UBE2E2: variants seen among roughly 807,000 people sequenced by gnomAD.
UBE2E2 encodes ubiquitin conjugating enzyme E2 E2.
Under a neutral mutation model 24.7 loss-of-function variants are expected in UBE2E2, and 6 were observed. That is an observed-to-expected ratio of 0.24 (90% CI 0.13 to 0.48). UBE2E2 has a LOEUF of 0.48. Among genes scored for constraint, UBE2E2 ranks in the 20% least tolerant of loss-of-function variants. UBE2E2 has a pLI of 0.99. For missense variants in UBE2E2, 169 were observed against 245.0 expected, an observed-to-expected ratio of 0.69 and a Z score of 2.07; for synonymous variants, 104 against 83.6, an observed-to-expected ratio of 1.24 and a Z score of -1.33.
At position 23,254,350 on chromosome 3, in the gene UBE2E2, A is replaced by G. The variant is rs528985399; in HGVS notation, c.227+37038A>G. 2.0e-5 allele frequency among the ~76,000 whole-genome samples: 3 copies of G among 152,342 alleles called. No homozygotes were observed. The South Asian group carries it at 6.2e-4, about 32-fold the overall frequency. On this transcript the variant is annotated intron_variant, in intron 3 of 5. Transcript: ENST00000396703. ...AATTTTGACCAAGGGATGCTGGGTTAATCCTGGGTTTAGGGAACATCTGGT... is the reference window on the plus strand; with the variant it reads ...AATTTTGACCAAGGGATGCTGGGTTGATCCTGGGTTTAGGGAACATCTGGT...
chr3:23,571,020 T>G (rs548079618), intron 5 of UBE2E2, among the ~76,000 whole-genome samples: 1 of 152,060 alleles, frequency 6.6e-6, no homozygotes, highest in Non-Finnish European at 1.5e-5. Flanking sequence ...AATGGATAAT[T>G]GGGACAAGAT....
At chr3:23,566,041 A>G (rs184973631) in intron 5 of UBE2E2, among the ~76,000 whole-genome samples, 1 of 152,302 alleles carries the variant, frequency 6.6e-6, no homozygotes, top group East Asian at 1.9e-4. Flanking sequence ...ATAAGCCAAC[A>G]CCTCACACTT....
At chr3:23,251,257 C>A (rs1373256298) in intron 3 of UBE2E2, among the ~76,000 whole-genome samples, 1 of 152,142 alleles carries the variant, frequency 6.6e-6, no homozygotes, top group Non-Finnish European at 1.5e-5. Flanking sequence ...TCTGGGGGAG[C>A]ATCGTTAGCT....
At position 23,350,761 on chromosome 3, in the gene UBE2E2, T is replaced by G. The variant is rs535670490; in HGVS notation, c.227+133449T>G. Among the ~76,000 whole-genome samples, 9 of 152,322 alleles carry G rather than the reference T, an allele frequency of 5.9e-5. No homozygotes were observed. The South Asian group carries it at 8.3e-4, about 14-fold the overall frequency. On this transcript the variant is annotated intron_variant, in intron 3 of 5. Transcript: ENST00000396703. ...TGAAAAGACCAAATCTACGTCTGAT[T>G]GGTGTACCTGAAAGTGACGGGGAGA...
At chr3:23,298,960 C>G (rs1057331821) in intron 3 of UBE2E2, among the ~76,000 whole-genome samples, 1 of 152,118 alleles carries the variant, frequency 6.6e-6, no homozygotes, top group African/African-American at 2.4e-5. Context: ...TTGCTTCAAT[C>G]TCAGAGCCTG....
At chr3:23,408,728 C>T (rs1213123426) in intron 3 of UBE2E2, among the ~76,000 whole-genome samples, 1 of 152,092 alleles carries the variant, frequency 6.6e-6, no homozygotes, top group Non-Finnish European at 1.5e-5. Context: ...ATAAGTGTCA[C>T]GATTCACAAA....
chr3:23,454,425 C>T (rs944196043), intron 3 of UBE2E2, among the ~76,000 whole-genome samples: 3 of 152,162 alleles, frequency 2.0e-5, no homozygotes, highest in Admixed American at 6.5e-5. Context: ...TAAGGGAGGT[C>T]TCATGTCTGA....
chr3:23,455,677 C>T (rs559168533), intron 3 of UBE2E2, among the ~76,000 whole-genome samples: 94 of 152,156 alleles, frequency 6.2e-4, no homozygotes, highest in African/African-American at 2.0e-3. Context: ...AGCAACAGAG[C>T]GAGACCCTGT....
intron 3 of UBE2E2, among the ~76,000 whole-genome samples, chr3:23,308,989 G>T (rs1330137216): frequency 6.6e-6 from 1 of 152,226 alleles, no homozygotes; most frequent in Non-Finnish European, 1.5e-5. Flanking sequence ...TACTGTTCCA[G>T]AAGAGAGAGA....
intron 3 of UBE2E2, among the ~76,000 whole-genome samples, chr3:23,391,508 C>G (rs1696933994): frequency 6.6e-6 from 1 of 152,104 alleles, no homozygotes; most frequent in Non-Finnish European, 1.5e-5. Context: ...GGCTTAAAAT[C>G]TTGTTATGAA....
At chr3:23,519,624 T>C (rs927239734) in intron 4 of UBE2E2, among the ~76,000 whole-genome samples, 3 of 152,330 alleles carry the variant, frequency 2.0e-5, no homozygotes, top group African/African-American at 7.2e-5. Flanking sequence ...TTGGGTTTTT[T>C]TGCCTTTAGT....
intron 3 of UBE2E2, among the ~76,000 whole-genome samples, chr3:23,277,045 C>T (rs1192948559): frequency 6.6e-6 from 1 of 152,108 alleles, no homozygotes; most frequent in Non-Finnish European, 1.5e-5. Flanking sequence ...TGATAGTAGA[C>T]GGTGTGACCA....
chr3:23,355,447 A>T (rs1033150931), intron 3 of UBE2E2, among the ~76,000 whole-genome samples: 2 of 152,204 alleles, frequency 1.3e-5, no homozygotes, highest in Non-Finnish European at 2.9e-5. Context: ...AAGGGAGGAG[A>T]TAACTGTAGG....
chr3:23,409,334 A>G (rs887143378), intron 3 of UBE2E2, among the ~76,000 whole-genome samples: 2 of 152,186 alleles, frequency 1.3e-5, no homozygotes, highest in African/African-American at 4.8e-5. Flanking sequence ...TGCCAAACCA[A>G]AGTCAGCGTA....
intron 3 of UBE2E2, among the ~76,000 whole-genome samples, chr3:23,414,091 T>C (rs35352848): frequency 0.25 from 37,823 of 152,074 alleles, 5,118 homozygotes; most frequent in African/African-American, 0.36. Context: ...AGGACCCAAA[T>C]GGTAGATTAT....
At chr3:23,246,161 T>G (rs1697391014) in intron 3 of UBE2E2, among the ~76,000 whole-genome samples, 1 of 151,426 alleles carries the variant, frequency 6.6e-6, no homozygotes, top group African/African-American at 2.4e-5. Flanking sequence ...GCTCAAGTGA[T>G]CCTTCCACCT....
intron 3 of UBE2E2, among the ~76,000 whole-genome samples, chr3:23,395,498 A>G (rs1468762388): frequency 6.6e-6 from 1 of 152,228 alleles, no homozygotes; most frequent in Non-Finnish European, 1.5e-5. Flanking sequence ...AGAAGCATTC[A>G]ACAGTAGTCA....
Position 23,241,004 on chromosome 3 carries a change from G to A in UBE2E2, c.227+23692G>A, listed in dbSNP as rs182878519. ...TCTTCTCATTTAAAATTTAGCTTCT[G>A]TGGATAACTGTTTACTCATTGCCCC... On this transcript the variant is annotated intron_variant, in intron 3 of 5. Coordinates refer to ENST00000396703, the MANE Select transcript of UBE2E2 (RefSeq NM_152653.4). 2.7e-4 allele frequency among the ~76,000 whole-genome samples: 41 copies of A among 152,190 alleles called. No homozygotes were observed. In the East Asian group the frequency reaches 7.7e-3, roughly 29 times the overall value.
At chr3:23,537,402 A>G (rs1304915565) in intron 5 of UBE2E2, among the ~76,000 whole-genome samples, 1 of 152,208 alleles carries the variant, frequency 6.6e-6, no homozygotes, top group Non-Finnish European at 1.5e-5. Context: ...ATAAAAATCA[A>G]GTATCGGTTA....
Sources: gnomAD v4.1 joint callset for allele counts (sites outside exome capture counted in the v4.1 genomes callset) on GRCh38, gnomAD v4.1.1 for gene constraint, MANE v1.5 for transcripts, NCBI Gene and HGNC (gene_info 2026-07-23, HGNC 2026-07-21) for gene names.